AXIN2: variants seen among roughly 807,000 people sequenced by gnomAD.
AXIN2 encodes axin-2.
A neutral mutation model predicts 74.7 loss-of-function variants in AXIN2; 21 were observed. The ratio of observed to expected loss-of-function variants is 0.28; its 90% confidence interval spans 0.20 to 0.40. The LOEUF is 0.40. Ranked by LOEUF, AXIN2 falls within the 10% of genes least tolerant of loss-of-function variation. AXIN2 has a pLI of 1.00. For synonymous variants in AXIN2, 532 were observed against 454.9 expected (o/e 1.17, Z -2.16); for missense variants, 1,144 against 1,111.1 (o/e 1.03, Z -0.42).
chr17:65,560,394 A>AGGAGGAGAGGATGGGGC (rs1451561753), intron 1 of AXIN2: 17 of 94,428 alleles, frequency 1.8e-4, no homozygotes, highest in African/African-American at 6.5e-4. Context: ...GAAGAGAAGT[A>AGGAGGAGAGGATGGGGC]GGAGGAGAGG....
In AXIN2 at chr17:65,529,795, T is replaced by A; in HGVS notation, c.*181A>T. 1 of 903,730 alleles carries A rather than the reference T, an allele frequency of 1.1e-6. No individual in the cohort carries two copies. The highest frequency in any genetic ancestry group is 1.7e-6 in the Non-Finnish European group (1 of 580,510). 56.0% of individuals were successfully genotyped at this position (903,730 alleles called of 1,614,324 possible). On this transcript the variant is annotated 3_prime_UTR_variant, in exon 11 of 11. Transcript: ENST00000307078. ...CTTATCTCAGTCAGTACCCAGCTCA[T>A]GAATCATGAAAATCAACCTCCCCCC... is the stretch of plus-strand genomic sequence containing the variant.
intron 5 of AXIN2, 74 bp from the exon 6 acceptor site, chr17:65,537,909 C>A: frequency 2.0e-6 from 3 of 1,477,720 alleles, no homozygotes; most frequent in Admixed American, 2.3e-5. Context: ...TTGCAACATT[C>A]GGCTCCCTAC....
intron 4 of AXIN2, among the ~76,000 whole-genome samples, chr17:65,539,676 AGAG>A (rs1436351839): frequency 6.6e-6 from 1 of 152,240 alleles, no homozygotes; most frequent in Non-Finnish European, 1.5e-5. Context: ...CTTTCAGAGA[AGAG>A]CTATAGTTTG....
chr17:65,534,042 G>A lies in AXIN2; in HGVS notation c.2275C>T (p.Leu759Phe). The part of the protein sequence containing the change: ...EPKKLAGVHA[L>F]QASELVVTYF... ...GTGACAACCAACTCACTGGCCTGGA[G>A]CGCGTGGACACCTGCCAGTTTCTTT... Residue 759 changes from leucine to phenylalanine, a missense_variant, in exon 10 of 11, where the codon CTC (leucine) becomes TTC (phenylalanine). Physicochemically the swap from Leu to Phe is conservative, Grantham distance 22. This residue lies in a region of AXIN2 where 1,053 missense variants were observed against 973.5 expected (regional missense o/e 1.08). Coordinates refer to ENST00000307078, the MANE Select transcript of AXIN2 (RefSeq NM_004655.4). The A allele has an allele frequency of 6.2e-7, 1 of 1,614,248 alleles. No homozygotes were observed.
Position 65,549,115 on chromosome 17 carries a change from G to A in AXIN2, c.956+405C>T, listed in dbSNP as rs562939427. On this transcript the variant is annotated intron_variant, in intron 3 of 10. Transcript: ENST00000307078. Reference sequence around the variant, plus strand: ...ACACAGACCCTTCTAATGCCACCTTGTCTCCCAGCTGTTGGTTCTGCAGAC... The same window carrying A: ...ACACAGACCCTTCTAATGCCACCTTATCTCCCAGCTGTTGGTTCTGCAGAC... Among the ~76,000 whole-genome samples the A allele has an allele frequency of 7.2e-5, 11 of 152,288 alleles. 1 individual carries two copies. The South Asian group carries it at 2.3e-3, about 32-fold the overall frequency.
chr17:65,537,999 T>TCCACACGCATATGCACAC (rs2043969046), intron 5 of AXIN2, 164 bp from the exon 6 acceptor site: 8 of 1,312,934 alleles, frequency 6.1e-6, no homozygotes, highest in Non-Finnish European at 7.4e-6. Flanking sequence ...CAAGCACATA[T>TCCACACGCATATGCACAC]CCACACGCAT....
intron 5 of AXIN2, 54 bp from the exon 6 acceptor site, chr17:65,537,889 G>A: frequency 6.7e-7 from 1 of 1,496,938 alleles, no homozygotes; most frequent in Non-Finnish European, 8.9e-7. Context: ...AAGGGCCAGA[G>A]GCCCTGGGGT....
In AXIN2 at chr17:65,529,820, C is replaced by G; in HGVS notation, c.*156G>C. The G allele has an allele frequency of 8.2e-7, 1 of 1,215,338 alleles. No homozygotes were observed. Among genetic ancestry groups the G allele is most frequent in the Non-Finnish European group, 1.2e-6 (1 of 850,630 alleles). 75.3% of individuals were successfully genotyped at this position (1,215,338 alleles called of 1,614,324 possible). A position where few individuals can be genotyped will look rare whatever the true frequency, so the allele number is the denominator to read the frequency against. On this transcript the variant is annotated 3_prime_UTR_variant, in exon 11 of 11. Transcript: ENST00000307078. ...TGAATCATGAAAATCAACCTCCCCCCGCCCTCCCGAAGGCCCACTGGCCGA... is the reference window on the plus strand; with the variant it reads ...TGAATCATGAAAATCAACCTCCCCCGGCCCTCCCGAAGGCCCACTGGCCGA...
intron 10 of AXIN2, among the ~76,000 whole-genome samples, chr17:65,532,878 G>A (rs1379485652): frequency 1.3e-5 from 2 of 152,226 alleles, no homozygotes; most frequent in African/African-American, 4.8e-5. Flanking sequence ...GTAGACCCCA[G>A]AGTGAGCACC....
At chr17:65,539,823 C>T (rs2044014768) in intron 4 of AXIN2, among the ~76,000 whole-genome samples, 1 of 152,158 alleles carries the variant, frequency 6.6e-6, no homozygotes, top group South Asian at 2.1e-4. Context: ...GCTTTCTTCC[C>T]CTCCCCTCCT....
Position 65,530,082 on chromosome 17 carries a change from C to G in AXIN2, c.2426G>C (p.Ser809Thr). The G allele has an allele frequency of 6.2e-7, 1 of 1,614,160 alleles. No homozygotes were observed. The highest frequency in any genetic ancestry group is 8.5e-7 in the Non-Finnish European group (1 of 1,180,034). The stretch of plus-strand genomic sequence containing the variant: ...CACCGCTCCACAGGCAAACTCATCG[C>G]TTGCTTTTTTGAAGTAATACCTTAA... ...GNYRYYFKKA[S>T]DEFACGAVFE... The change falls in exon 11 of 11, where the codon AGC becomes ACC. Residue 809 changes from serine (S) to threonine (T), a missense_variant. Coordinates refer to ENST00000307078, the MANE Select transcript of AXIN2 (RefSeq NM_004655.4).
rs772908702 is a variant in AXIN2, at chr17:65,538,276, G to C, written c.1127C>G (p.Ser376Trp). Reference sequence around the variant, plus strand: ...CTCCAGCTTCAGCTTTTCCAGCCTCGAGATCAGCTCAGCTGCAAAGGTGGC... The same window carrying C: ...CTCCAGCTTCAGCTTTTCCAGCCTCCAGATCAGCTCAGCTGCAAAGGTGGC... The part of the protein sequence containing the change: ...EPATFAAELI[S>W]RLEKLKLELE... The change falls in exon 5 of 11, where the codon TCG (serine) becomes TGG (tryptophan). Residue 376 changes from serine (S) to tryptophan (W), a missense_variant. By Grantham distance (177) the Ser-to-Trp change is radical. Around this residue, in one of 4 missense-constraint regions of AXIN2, gnomAD observed 1,053 missense variants for 973.5 expected, o/e 1.08. Coordinates refer to ENST00000307078, the MANE Select transcript of AXIN2 (RefSeq NM_004655.4). 9 of 1,614,060 alleles carry C rather than the reference G, an allele frequency of 5.6e-6. No individual in the cohort carries two copies. In the Admixed American group the frequency reaches 1.3e-4, roughly 24 times the overall value.
rs1018815193 is a variant in AXIN2 at position 65,558,439 on chromosome 17, C to T, written c.182G>A (p.Gly61Glu). The T allele has an allele frequency of 1.3e-6, 2 of 1,599,834 alleles. No homozygotes were observed. Among genetic ancestry groups the T allele is most frequent in the Admixed American group, 3.4e-5 (2 of 59,354 alleles). ...VSSNTRRNED[G>E]LGEPEGRASP... ...TGCCCGCCCCTCCGGCTCCCCCAAC[C>T]CATCTTCGTTCCGCCTGGTGTTGGA... The change falls in exon 2 of 11, where the codon GGG (glycine) becomes GAG (glutamate). Residue 61 changes from glycine to glutamate, a missense_variant. Coordinates refer to ENST00000307078, the MANE Select transcript of AXIN2 (RefSeq NM_004655.4).
At chr17:65,544,684 C>T (rs1469029973) in intron 3 of AXIN2, among the ~76,000 whole-genome samples, 2 of 152,142 alleles carry the variant, frequency 1.3e-5, no homozygotes, top group Admixed American at 6.5e-5. Flanking sequence ...GGTCCCTATA[C>T]GGTCTCCTTT....
chr17:65,558,677 G>A lies in AXIN2; in HGVS notation c.-57C>T. ...ATTTTTCTTCTTCCAGTTCCTCTCA[G>A]CAATCGGCGTGGTCTCTCTGTCTCT... On this transcript the variant is annotated 5_prime_UTR_variant, in exon 2 of 11. Transcript: ENST00000307078. 6.5e-7 allele frequency: 1 copy of A among 1,537,776 alleles called. No homozygotes were observed.
intron 2 of AXIN2, among the ~76,000 whole-genome samples, chr17:65,555,807 G>A (rs893859286): frequency 2.6e-5 from 4 of 152,126 alleles, no homozygotes; most frequent in East Asian, 1.9e-4. Flanking sequence ...TATCTTGCAC[G>A]TTAAAATGAT....
chr17:65,553,850 G>GC (rs1491448259), intron 2 of AXIN2, among the ~76,000 whole-genome samples: 3 of 142,602 alleles, frequency 2.1e-5, no homozygotes, highest in African/African-American at 8.0e-5. Flanking sequence ...AAAAAGGCGG[G>GC]GGGGGGGGGA....
chr17:65,550,290 C>T (rs1195670699), intron 2 of AXIN2, among the ~76,000 whole-genome samples: 1 of 152,208 alleles, frequency 6.6e-6, no homozygotes, highest in East Asian at 1.9e-4. Flanking sequence ...CGTTGCCATG[C>T]CCCTTCCCCC....
At chr17:65,534,862 G>A (rs539443062) in intron 9 of AXIN2, among the ~76,000 whole-genome samples, 17 of 152,280 alleles carry the variant, frequency 1.1e-4, no homozygotes, top group African/African-American at 1.9e-4. Flanking sequence ...CCCAGGAGGC[G>A]GAGGCTGCAG....
Sources: gnomAD v4.1 joint callset for allele counts (sites outside exome capture counted in the v4.1 genomes callset) on GRCh38, gnomAD v4.1.1 for gene constraint, gnomAD v4.1.1 regional missense constraint, MANE v1.5 for transcripts, NCBI Gene and HGNC (gene_info 2026-07-23, HGNC 2026-07-21) for gene names.